The following KIFAP3 variants were observed in gnomAD, a reference collection of about 807,000 sequenced individuals.
KIFAP3 encodes the protein kinesin-associated protein 3.
Under a neutral mutation model 106.5 loss-of-function variants are expected in KIFAP3, and 68 were observed. The ratio of observed to expected loss-of-function variants is 0.64; its 90% CI spans 0.53 to 0.78. The LOEUF is 0.78. Among genes scored for constraint, KIFAP3 ranks in the 30% least tolerant of loss-of-function variants. The pLI is 0.00. For synonymous variants in KIFAP3, 320 were observed against 311.5 expected (o/e 1.03, Z -0.29); for missense variants, 780 against 941.8 (o/e 0.83, Z 2.25).
intron 10 of KIFAP3, among the ~76,000 whole-genome samples, chr1:170,007,986 T>A (rs552381652): frequency 9.9e-4 from 150 of 152,252 alleles, no homozygotes; most frequent in Non-Finnish European, 1.7e-3. Context: ...CCATCTGATC[T>A]TTGACAAACC....
chr1:170,016,175 T>C (rs1005769110), intron 10 of KIFAP3, among the ~76,000 whole-genome samples: 6 of 152,150 alleles, frequency 3.9e-5, no homozygotes, highest in African/African-American at 1.4e-4. Context: ...TAAAATATTT[T>C]TTTCCTTCTT....
intron 17 of KIFAP3, among the ~76,000 whole-genome samples, chr1:169,971,829 T>C (rs1337927970): frequency 6.6e-6 from 1 of 151,986 alleles, no homozygotes; most frequent in Non-Finnish European, 1.5e-5. Context: ...TGGTTGTGCG[T>C]AGCAGTATAT....
chr1:169,929,806 T>C (rs1663366084), intron 19 of KIFAP3, among the ~76,000 whole-genome samples: 1 of 152,182 alleles, frequency 6.6e-6, no homozygotes, highest in African/African-American at 2.4e-5. Flanking sequence ...GGAGGCTGTA[T>C]TTAAAATACT....
intron 1 of KIFAP3, among the ~76,000 whole-genome samples, chr1:170,080,498 C>T (rs1406466333): frequency 6.6e-6 from 1 of 151,932 alleles, no homozygotes; most frequent in Admixed American, 6.6e-5. Flanking sequence ...GATTAAAAGA[C>T]CTACTATAAC....
At chr1:169,983,464 C>T in intron 12 of KIFAP3, 82 bp from the exon 13 acceptor site, 1 of 815,040 alleles carries the variant, frequency 1.2e-6, no homozygotes, top group East Asian at 2.6e-5. Flanking sequence ...AAAGCCACAA[C>T]AATTTACATC....
chr1:169,979,594 C>T (rs1666401012), intron 15 of KIFAP3, among the ~76,000 whole-genome samples: 1 of 151,976 alleles, frequency 6.6e-6, no homozygotes, highest in African/African-American at 2.4e-5. Flanking sequence ...AATGAAATAC[C>T]AGTATGATGG....
chr1:169,938,926 G>A (rs2101804606), intron 19 of KIFAP3, among the ~76,000 whole-genome samples: 1 of 152,328 alleles, frequency 6.6e-6, no homozygotes, highest in South Asian at 2.1e-4. Context: ...GGAGTCCAGA[G>A]TGGGTAGAAT....
intron 2 of KIFAP3, among the ~76,000 whole-genome samples, chr1:170,050,592 A>G (rs1191742893): frequency 6.6e-6 from 1 of 152,238 alleles, no homozygotes; most frequent in Non-Finnish European, 1.5e-5. Context: ...GCAGCCAGAG[A>G]GAAAGGTCAG....
At chr1:169,963,227 G>A (rs969931575) in intron 17 of KIFAP3, among the ~76,000 whole-genome samples, 57 of 152,236 alleles carry the variant, frequency 3.7e-4, no homozygotes, top group Non-Finnish European at 5.6e-4. Context: ...TCCTGTGTTA[G>A]TTTACTTAAG....
At chr1:169,931,934 C>A (rs1045695202) in intron 19 of KIFAP3, among the ~76,000 whole-genome samples, 2 of 152,016 alleles carry the variant, frequency 1.3e-5, no homozygotes, top group African/African-American at 2.4e-5. Context: ...TGTATTTTAC[C>A]CCTATGCACT....
intron 1 of KIFAP3, among the ~76,000 whole-genome samples, chr1:170,082,312 G>T (rs1278491536): frequency 6.6e-6 from 1 of 152,078 alleles, no homozygotes; most frequent in African/African-American, 2.4e-5. Context: ...ACCTCATTAT[G>T]ACGAAAGAAC....
chr1:170,034,329 G>C, intron 7 of KIFAP3, 43 bp downstream of exon 7: 3 of 1,568,838 alleles, frequency 1.9e-6, no homozygotes, highest in Non-Finnish European at 2.6e-6. Context: ...AAAACTTAAA[G>C]CAAAAGACAA....
rs534112451 is a variant in KIFAP3 at position 169,976,891 on chromosome 1, A to T, written c.1897+1194T>A. Among the ~76,000 whole-genome samples, 9 of 151,904 alleles carry T rather than the reference A, an allele frequency of 5.9e-5. No homozygotes were observed. The East Asian group carries it at 1.4e-3, about 23-fold the overall frequency. The stretch of plus-strand genomic sequence containing the variant: ...CATCACCAGGCCCAGCTCATATTTT[A>T]TTTTTTTATTTTTAGTAGAGATGAG... On this transcript the variant is annotated intron_variant, in intron 16 of 19. Coordinates refer to ENST00000361580, the MANE Select transcript of KIFAP3 (RefSeq NM_014970.4).
At chr1:169,982,618 C>A in intron 14 of KIFAP3, 84 bp downstream of exon 14, 1 of 901,718 alleles carries the variant, frequency 1.1e-6, no homozygotes, top group South Asian at 2.9e-5. Context: ...TAATAATAGT[C>A]ACACAATACT....
At chr1:170,076,131 T>A (rs1372548350), upstream of KIFAP3, among the ~76,000 whole-genome samples, 1 of 152,206 alleles carries the variant, frequency 6.6e-6, no homozygotes, top group Admixed American at 6.5e-5. Context: ...ACTTATTTCG[T>A]TCACTTTTGC....
At chr1:170,050,904 G>A (rs1479726595) in intron 2 of KIFAP3, among the ~76,000 whole-genome samples, 3 of 151,956 alleles carry the variant, frequency 2.0e-5, no homozygotes, top group South Asian at 2.1e-4. Flanking sequence ...AAAATATAAC[G>A]ACCAATGACA....
chr1:169,986,679 T>G (rs1361460206), intron 11 of KIFAP3, among the ~76,000 whole-genome samples: 3 of 152,044 alleles, frequency 2.0e-5, no homozygotes, highest in East Asian at 3.9e-4. Context: ...GTGACAATCC[T>G]CTAATTAATT....
chr1:170,020,160 T>A (rs1237165115), intron 9 of KIFAP3, among the ~76,000 whole-genome samples: 6 of 152,178 alleles, frequency 3.9e-5, no homozygotes, highest in Admixed American at 3.3e-4. Flanking sequence ...AAGACCCACA[T>A]AAATAGAAAG....
At chr1:170,072,901 C>T (rs1263723438) in intron 1 of KIFAP3, among the ~76,000 whole-genome samples, 3 of 152,064 alleles carry the variant, frequency 2.0e-5, no homozygotes, top group East Asian at 3.8e-4. Context: ...CCTTTTCAGA[C>T]TCTAATCTCA....
Sources: allele counts gnomAD v4.1 joint callset (sites outside exome capture counted in the v4.1 genomes callset), GRCh38; gene constraint gnomAD v4.1.1; transcripts MANE v1.5; gene names NCBI Gene and HGNC (gene_info 2026-07-23, HGNC 2026-07-21).